Variants in SEPTIN9 observed in about 807,000 individuals in gnomAD.
SEPTIN9 encodes the protein septin 9, also known as septin-9.
A neutral mutation model predicts 56.6 loss-of-function variants in SEPTIN9; 13 were observed. That is an observed-to-expected ratio of 0.23 (90% CI 0.15 to 0.37). The LOEUF is 0.37. SEPTIN9 is among the 10% of genes least tolerant of loss of function. The pLI is 1.00. For missense variants in SEPTIN9, 650 were observed against 823.1 expected (o/e 0.79, Z 2.57); for synonymous variants, 332 against 334.1 (o/e 0.99, Z 0.07).
At position 77,445,304 on chromosome 17, in the gene SEPTIN9, C is replaced by T. The variant is rs990625173; in HGVS notation, c.722-36840C>T. On this transcript the variant is annotated intron_variant, in intron 3 of 11. Transcript: ENST00000427177. This position sits in a 1 kb window ranked among gnomAD's most constrained non-coding sequence, Gnocchi z 4.7. The stretch of plus-strand genomic sequence containing the variant: ...TTTCCTCCGCACCCCCATGCAGAAG[C>T]GCGGCCGCCAGCTCACAAAGGATAG... The T allele has an allele frequency of 2.1e-6, 1 of 465,964 alleles. No individual in the cohort carries two copies. The allele number at this position is 465,964 out of a possible 1,614,324, so 28.9% of individuals were successfully genotyped here.
At chr17:77,283,116 TCTC>T (rs2143472215) in intron 1 of SEPTIN9, among the ~76,000 whole-genome samples, 1 of 151,240 alleles carries the variant, frequency 6.6e-6, no homozygotes, top group East Asian at 1.9e-4. Flanking sequence ...CTTGTCCTTT[TCTC>T]CTCTCCTCCA....
intron 3 of SEPTIN9, among the ~76,000 whole-genome samples, chr17:77,473,528 G>T (rs531391768): frequency 6.6e-6 from 1 of 152,106 alleles, no homozygotes; most frequent in Non-Finnish European, 1.5e-5. Flanking sequence ...GGGATCCACG[G>T]GCCTAGGGAT....
intron 2 of SEPTIN9, among the ~76,000 whole-genome samples, chr17:77,388,645 C>T (rs867977044): frequency 6.6e-5 from 10 of 152,070 alleles, no homozygotes; most frequent in African/African-American, 2.2e-4. Context: ...CAGCTGTGAC[C>T]GGAGCCTGAA....
chr17:77,293,431 G>C (rs2031662651), intron 1 of SEPTIN9, among the ~76,000 whole-genome samples: 1 of 152,140 alleles, frequency 6.6e-6, no homozygotes, highest in East Asian at 1.9e-4. Context: ...CAAAGTGCTG[G>C]GATTACAGGC....
At chr17:77,316,550 G>A (rs1223552366) in intron 2 of SEPTIN9, among the ~76,000 whole-genome samples, 1 of 152,172 alleles carries the variant, frequency 6.6e-6, no homozygotes, top group East Asian at 1.9e-4. Context: ...AATGAACTCA[G>A]TCATAGCCCG....
chr17:77,472,504 G>A (rs1598428916), intron 3 of SEPTIN9: 1 of 152,248 alleles, frequency 6.6e-6, no homozygotes, highest in Non-Finnish European at 1.5e-5. Context: ...AGCACACAGG[G>A]TTCTTGTTGG....
intron 1 of SEPTIN9, chr17:77,294,647 A>G (rs893195139): frequency 3.9e-5 from 6 of 154,524 alleles, no homozygotes; most frequent in Non-Finnish European, 8.7e-5. Flanking sequence ...GGAGATTTCT[A>G]ACTGCATATG....
Position 77,486,975 on chromosome 17 carries a change from G to C in SEPTIN9, c.914-449G>C, listed in dbSNP as rs373043153. Among the ~76,000 whole-genome samples, 104 of 152,316 alleles carry C rather than the reference G, an allele frequency of 6.8e-4. 1 individual carries two copies. Among genetic ancestry groups the C allele is most frequent in the African/African-American group, 2.4e-3 (99 of 41,568 alleles). On this transcript the variant is annotated intron_variant, in intron 4 of 11. Coordinates refer to ENST00000427177, the MANE Select transcript of SEPTIN9 (RefSeq NM_001113491.2). ...GGCCCTGGCCGGTCAGGGAGGAGCA[G>C]TTTGAACACCTGGGCTTTGGTTGCA...
At chr17:77,315,905 C>T (rs2032685985) in intron 2 of SEPTIN9, among the ~76,000 whole-genome samples, 1 of 152,182 alleles carries the variant, frequency 6.6e-6, no homozygotes, top group Non-Finnish European at 1.5e-5. Context: ...ACAGTGCCCA[C>T]TCCAGGGTGT....
chr17:77,309,726 C>T (rs1054310465), intron 2 of SEPTIN9, among the ~76,000 whole-genome samples: 1 of 150,348 alleles, frequency 6.7e-6, no homozygotes, highest in Non-Finnish European at 1.5e-5. Context: ...TCAGCTCACA[C>T]ACTTTCTTTC....
intron 2 of SEPTIN9, among the ~76,000 whole-genome samples, chr17:77,346,375 A>G (rs1174250763): frequency 7.3e-6 from 1 of 136,264 alleles, no homozygotes; most frequent in African/African-American, 2.8e-5. Flanking sequence ...GTATTTTAGT[A>G]TGCTGTGTTT....
At chr17:77,454,389 C>A in intron 3 of SEPTIN9, 3 of 985,450 alleles carry the variant, frequency 3.0e-6, no homozygotes, top group Non-Finnish European at 3.6e-6. Context: ...CGGAGCTCAG[C>A]AGAGCCTTGG....
Position 77,498,717 on chromosome 17 carries a change from C to T in SEPTIN9, c.*59C>T, listed in dbSNP as rs1245510030. The T allele has an allele frequency of 2.3e-5, 18 of 768,262 alleles. No homozygotes were observed. The highest frequency in any genetic ancestry group is 3.3e-5 in the Non-Finnish European group (17 of 507,778). The allele number at this position is 768,262 out of a possible 1,614,324, so 47.6% of individuals were successfully genotyped here. A position where few individuals can be genotyped will look rare whatever the true frequency, so the allele number is the denominator to read the frequency against. On this transcript the variant is annotated 3_prime_UTR_variant, in exon 12 of 12. Coordinates refer to ENST00000427177, the MANE Select transcript of SEPTIN9 (RefSeq NM_001113491.2). Reference sequence around the variant, plus strand: ...CAAGTCATTTCCGTCCCCCCCCAGGCCCTCCCACCACCCCATTTTATTTTA... The same window carrying T: ...CAAGTCATTTCCGTCCCCCCCCAGGTCCTCCCACCACCCCATTTTATTTTA...
chr17:77,290,858 C>T (rs1388623339), intron 1 of SEPTIN9, among the ~76,000 whole-genome samples: 1 of 148,088 alleles, frequency 6.8e-6, no homozygotes, highest in African/African-American at 2.5e-5. Flanking sequence ...TTCTTATACC[C>T]ACTTGCATTA....
At chr17:77,391,893 G>T (rs369191585) in intron 2 of SEPTIN9, among the ~76,000 whole-genome samples, 14 of 152,350 alleles carry the variant, frequency 9.2e-5, no homozygotes, top group South Asian at 6.2e-4. Flanking sequence ...TGGGGGATAA[G>T]AGAAGGTTTG....
In SEPTIN9 at chr17:77,436,797, G is replaced by T. The variant is rs1052533624; in HGVS notation, c.721+34094G>T. Among the ~76,000 whole-genome samples the T allele has an allele frequency of 1.3e-5, 2 of 152,240 alleles. No homozygotes were observed. Among genetic ancestry groups the T allele is most frequent in the Admixed American group, 1.3e-4 (2 of 15,286 alleles). On this transcript the variant is annotated intron_variant, in intron 3 of 11. Transcript: ENST00000427177. This position sits in a 1 kb window ranked among gnomAD's most constrained non-coding sequence, Gnocchi z 4.4. ...TCCTGCAGGGTGAGCTGCCCATTCTGGCCCTGGTAAGGACACCCAGGAGAG... is the reference window on the plus strand; with the variant it reads ...TCCTGCAGGGTGAGCTGCCCATTCTTGCCCTGGTAAGGACACCCAGGAGAG...
intron 2 of SEPTIN9, among the ~76,000 whole-genome samples, chr17:77,309,369 C>CCCTCTGTGGG (rs971234866): frequency 5.6e-4 from 85 of 152,354 alleles, no homozygotes; most frequent in African/African-American, 2.0e-3. Context: ...ACGGGGTCCT[C>CCCTCTGTGGG]CCTCTGTGGG....
At chr17:77,321,540 T>C (rs12939160) in intron 2 of SEPTIN9, among the ~76,000 whole-genome samples, 123,828 of 151,608 alleles carry the variant, frequency 0.82, 50,755 homozygotes, top group East Asian at 0.99. Context: ...GCTGGGACTA[T>C]AGGCGCCCGC....
intron 1 of SEPTIN9, among the ~76,000 whole-genome samples, chr17:77,287,052 G>A (rs564046259): frequency 2.0e-5 from 3 of 152,358 alleles, no homozygotes; most frequent in African/African-American, 4.8e-5. Context: ...AGCACACAGC[G>A]CTGTGGCCCC....
Sources: gnomAD v4.1 joint callset for allele counts (sites outside exome capture counted in the v4.1 genomes callset) on GRCh38, gnomAD v4.1.1 for gene constraint, Gnocchi (gnomAD v3.1) non-coding constraint, MANE v1.5 for transcripts, NCBI Gene and HGNC (gene_info 2026-07-23, HGNC 2026-07-21) for gene names.